Variants in HPS5 observed in about 807,000 individuals in gnomAD.
HPS5 encodes the protein BLOC-2 complex member HPS5.
HPS5 carries 83 observed loss-of-function variants against 128.0 expected under a neutral mutation model. The ratio of observed to expected loss-of-function variants is 0.65; its 90% CI spans 0.54 to 0.78. The LOEUF (loss-of-function observed/expected upper bound fraction) is 0.78, where lower values mean the gene tolerates loss of function less well. Ranked by LOEUF, HPS5 falls within the 30% of genes least tolerant of loss-of-function variation. HPS5 has a pLI of 0.00. For missense variants in HPS5, 1,281 were observed against 1,326.2 expected (o/e 0.97, Z 0.53); for synonymous variants, 475 against 470.2 (o/e 1.01, Z -0.13).
At chr11:18,318,657 A>G (rs1226273610) in intron 1 of HPS5, among the ~76,000 whole-genome samples, 1 of 152,218 alleles carries the variant, frequency 6.6e-6, no homozygotes, top group Non-Finnish European at 1.5e-5. Flanking sequence ...TCCAGAAAAA[A>G]AGAAAAGAAA....
At position 18,296,783 on chromosome 11, in the gene HPS5, A is replaced by G. The variant is rs374953393; in HGVS notation, c.1510+15T>C. On this transcript the variant is annotated intron_variant, in intron 12 of 22. Transcript: ENST00000349215. Reference sequence around the variant, plus strand: ...TGGCTTCACATCAGGAACCAACAACAGACACATTCATCACCTTCATTTCCG... The same window carrying G: ...TGGCTTCACATCAGGAACCAACAACGGACACATTCATCACCTTCATTTCCG... The G allele has an allele frequency of 2.7e-5, 44 of 1,612,748 alleles. No homozygotes were observed. The highest frequency in any genetic ancestry group is 3.6e-5 in the Non-Finnish European group (43 of 1,178,824).
chr11:18,299,740 A>G (rs2087458908), intron 9 of HPS5, among the ~76,000 whole-genome samples: 1 of 152,236 alleles, frequency 6.6e-6, no homozygotes, highest in Non-Finnish European at 1.5e-5. Context: ...GACTTCTGGC[A>G]GGGATAAAGA....
chr11:18,314,852 C>A (rs1863430291), intron 2 of HPS5, among the ~76,000 whole-genome samples: 1 of 152,160 alleles, frequency 6.6e-6, no homozygotes, highest in Non-Finnish European at 1.5e-5. Context: ...AGATACCCAC[C>A]ACCACGTCCA....
intron 8 of HPS5, among the ~76,000 whole-genome samples, chr11:18,301,384 C>T (rs562099181): frequency 7.5e-4 from 100 of 132,576 alleles, no homozygotes; most frequent in African/African-American, 2.7e-3. Flanking sequence ...TACAGGGAGG[C>T]GGAGGTTGCA....
chr11:18,293,054 C>T (rs771221606), intron 14 of HPS5, 78 bp from the exon 15 acceptor site: 2 of 1,077,376 alleles, frequency 1.9e-6, no homozygotes, highest in Non-Finnish European at 2.9e-6. Context: ...CAGGGTCTCA[C>T]TCTGTCACCC....
chr11:18,308,281 A>G (rs770770024), intron 6 of HPS5, among the ~76,000 whole-genome samples: 2 of 152,216 alleles, frequency 1.3e-5, no homozygotes, highest in Non-Finnish European at 2.9e-5. Context: ...TTTTTCATCC[A>G]ATTTTACCCT....
chr11:18,306,271 C>T lies in HPS5; in HGVS notation c.688G>A (p.Gly230Arg), dbSNP rs570047145. 1.1e-5 allele frequency: 18 copies of T among 1,614,068 alleles called. No homozygotes were observed. The African/African-American group carries it at 2.3e-4, about 20-fold the overall frequency. Residue 230 changes from glycine (G) to arginine (R), a missense_variant, in exon 7 of 23, where the codon GGG becomes AGG. By Grantham distance (125) the Gly-to-Arg change is moderately radical (BLOSUM62 -2). Coordinates refer to ENST00000349215, the MANE Select transcript of HPS5 (RefSeq NM_181507.2). The stretch of plus-strand genomic sequence containing the variant: ...CAATATATCAGAGGTTGCTGGCCCC[C>T]AGAACATCTTCCAGGAAAGAAACAA... ...GACFFPGRCS[G>R]GQQPLIYCAR...
intron 8 of HPS5, among the ~76,000 whole-genome samples, chr11:18,301,424 G>A (rs1236593330): frequency 7.0e-6 from 1 of 142,698 alleles, no homozygotes; most frequent in Non-Finnish European, 1.5e-5. Context: ...CTGCACTCCA[G>A]CCTGGGTGAC....
At chr11:18,313,593 C>T (rs1163934378) in intron 2 of HPS5, among the ~76,000 whole-genome samples, 1 of 152,086 alleles carries the variant, frequency 6.6e-6, no homozygotes, top group Non-Finnish European at 1.5e-5. Flanking sequence ...CAGAATAAGA[C>T]TCCAGCCCTA....
chr11:18,316,039 T>C (rs1372100111), intron 2 of HPS5, among the ~76,000 whole-genome samples: 2 of 152,196 alleles, frequency 1.3e-5, no homozygotes, highest in Non-Finnish European at 2.9e-5. Flanking sequence ...CCAAGGCACA[T>C]GATTGCTTGA....
intron 8 of HPS5, among the ~76,000 whole-genome samples, chr11:18,304,164 A>T (rs558842972): frequency 1.3e-5 from 2 of 152,068 alleles, no homozygotes; most frequent in South Asian, 4.1e-4. Flanking sequence ...TTCTCTAGTA[A>T]CTTTCATGAA....
At chr11:18,320,307 C>T (rs543265110) in intron 1 of HPS5, among the ~76,000 whole-genome samples, 1 of 152,224 alleles carries the variant, frequency 6.6e-6, no homozygotes, top group Admixed American at 6.5e-5. Flanking sequence ...AGCCCTACTT[C>T]CTAGAATTCT....
At position 18,297,599 on chromosome 11, in the gene HPS5, T is replaced by A. The variant is rs1861225769; in HGVS notation, c.1283A>T (p.Asp428Val). 3 of 1,613,938 alleles carry A rather than the reference T, an allele frequency of 1.9e-6. No homozygotes were observed. Among genetic ancestry groups the A allele is most frequent in the South Asian group, 2.2e-5 (2 of 91,090 alleles). Residue 428 changes from aspartate (D) to valine (V), a missense_variant, in exon 11 of 23, where the codon GAT (aspartate) becomes GTT (valine). Physicochemically the swap from Asp to Val is radical, Grantham distance 152 (BLOSUM62 -3). Coordinates refer to ENST00000349215, the MANE Select transcript of HPS5 (RefSeq NM_181507.2). ...GCTTCTTCTACTGCTACAAGCTGAA[T>A]CCAAAGGTTCAAATTTTAAGATCAA... ...EELILKFEPL[D>V]SACSSRRSSI...
In HPS5 at chr11:18,316,462, A is replaced by G. The variant is rs1014940257; in HGVS notation, c.108+1289T>C. Among the ~76,000 whole-genome samples the G allele has an allele frequency of 3.3e-5, 5 of 152,224 alleles. No individual in the cohort carries two copies. The East Asian group carries it at 7.7e-4, about 23-fold the overall frequency. On this transcript the variant is annotated intron_variant, in intron 2 of 22. Transcript: ENST00000349215. ...TTTATACCATTTTATTTTCAATCAAATATATTACTTTCTGAGAGAAGACAG... is the reference window on the plus strand; with the variant it reads ...TTTATACCATTTTATTTTCAATCAAGTATATTACTTTCTGAGAGAAGACAG...
At chr11:18,286,277 G>T (rs1473400631) in intron 19 of HPS5, among the ~76,000 whole-genome samples, 1 of 152,190 alleles carries the variant, frequency 6.6e-6, no homozygotes, top group Non-Finnish European at 1.5e-5. Flanking sequence ...AGGCACAGTG[G>T]CTCACGCCTC....
intron 21 of HPS5, among the ~76,000 whole-genome samples, chr11:18,282,804 G>C (rs1281848481): frequency 1.3e-5 from 2 of 152,134 alleles, no homozygotes; most frequent in Non-Finnish European, 2.9e-5. Context: ...TGGAAGATCT[G>C]AGAAGGGCTC....
intron 2 of HPS5, among the ~76,000 whole-genome samples, chr11:18,313,697 C>T (rs1590142544): frequency 6.6e-6 from 1 of 151,596 alleles, no homozygotes; most frequent in East Asian, 2.0e-4. Flanking sequence ...GGGCGGATCA[C>T]GAGGTTAGGA....
chr11:18,306,031 C>T, intron 7 of HPS5, 104 bp downstream of exon 7: 1 of 906,816 alleles, frequency 1.1e-6, no homozygotes, highest in South Asian at 1.4e-5. Flanking sequence ...CACGCCCAGC[C>T]AGGTATAATA....
At chr11:18,281,858 G>T in intron 22 of HPS5, 92 bp downstream of exon 22, 3 of 1,421,270 alleles carry the variant, frequency 2.1e-6, no homozygotes, top group Non-Finnish European at 3.0e-6. Context: ...GTGATGGGTC[G>T]GGACTAAATG....
Sources: gnomAD v4.1 joint callset for allele counts (sites outside exome capture counted in the v4.1 genomes callset) on GRCh38, gnomAD v4.1.1 for gene constraint, MANE v1.5 for transcripts, NCBI Gene and HGNC (gene_info 2026-07-23, HGNC 2026-07-21) for gene names.